The following CWC27 variants were observed in gnomAD, a reference collection of about 807,000 sequenced individuals.
The protein encoded by CWC27 is spliceosome-associated protein CWC27 homolog.
Under a neutral mutation model 63.6 loss-of-function variants are expected in CWC27, and 47 were observed. That is an observed-to-expected ratio of 0.74 (90% CI 0.58 to 0.94). The LOEUF (loss-of-function observed/expected upper bound fraction) is 0.94. Among genes scored for constraint, CWC27 ranks in the 40% least tolerant of loss-of-function variants. CWC27 has a pLI of 0.00. For synonymous variants in CWC27, 175 were observed against 179.8 expected, an observed-to-expected ratio of 0.97 and a Z score of 0.22; for missense variants, 495 against 554.3, an observed-to-expected ratio of 0.89 and a Z score of 1.07.
intron 11 of CWC27, among the ~76,000 whole-genome samples, chr5:64,901,687 T>C (rs6880361): frequency 0.028 from 4,280 of 152,252 alleles, 139 homozygotes; most frequent in African/African-American, 0.08. Flanking sequence ...AACTTCGGCT[T>C]ACTGTAACTT....
At chr5:64,824,578 G>A (rs952367775) in intron 10 of CWC27, among the ~76,000 whole-genome samples, 2 of 151,946 alleles carry the variant, frequency 1.3e-5, no homozygotes, top group Non-Finnish European at 2.9e-5. Flanking sequence ...TCTAGCTGGG[G>A]CTCTACTCAC....
At chr5:64,786,300 A>C (rs543171392) in intron 5 of CWC27, among the ~76,000 whole-genome samples, 2 of 152,244 alleles carry the variant, frequency 1.3e-5, no homozygotes, top group Admixed American at 6.5e-5. Flanking sequence ...CTTTTGTAAA[A>C]TGGGGATAAA....
At chr5:64,964,957 G>A (rs933201492) in intron 11 of CWC27, among the ~76,000 whole-genome samples, 2 of 152,046 alleles carry the variant, frequency 1.3e-5, no homozygotes, top group Non-Finnish European at 2.9e-5. Context: ...ATACATCCAA[G>A]TAGTAAAACT....
In CWC27 at chr5:64,928,553, G is replaced by GA. The variant is rs1293907638; in HGVS notation, c.1042+43013dup. Among the ~76,000 whole-genome samples, 3 of 151,374 alleles carry GA rather than the reference G, an allele frequency of 2.0e-5. 1 individual carries two copies. The highest frequency in any genetic ancestry group is 1.3e-4 in the Admixed American group (2 of 15,180). On this transcript the variant is annotated intron_variant, in intron 11 of 13. Coordinates refer to ENST00000381070, the MANE Select transcript of CWC27 (RefSeq NM_005869.4). ...TTTTTTATTCTTTGTAAGTAAGTGGGAAAAAAGCCAAGTGCACAACAAAGT... is the reference window on the plus strand; with the variant it reads ...TTTTTTATTCTTTGTAAGTAAGTGGGAAAAAAAGCCAAGTGCACAACAAAGT...
intron 10 of CWC27, among the ~76,000 whole-genome samples, chr5:64,805,550 A>T (rs1391894204): frequency 6.6e-6 from 1 of 151,788 alleles, no homozygotes; most frequent in African/African-American, 2.4e-5. Flanking sequence ...TTCTGATTTT[A>T]AAAAATTATG....
intron 11 of CWC27, among the ~76,000 whole-genome samples, chr5:64,917,516 C>T (rs1236706912): frequency 6.6e-6 from 1 of 152,122 alleles, no homozygotes; most frequent in Non-Finnish European, 1.5e-5. Context: ...TTTGGTAAGA[C>T]ATTATTCTCT....
chr5:64,820,507 A>G (rs979288022), intron 10 of CWC27, among the ~76,000 whole-genome samples: 1 of 152,178 alleles, frequency 6.6e-6, no homozygotes, highest in South Asian at 2.1e-4. Context: ...TATGTGAACC[A>G]ATATCTAGAG....
intron 10 of CWC27, among the ~76,000 whole-genome samples, chr5:64,845,846 T>G (rs1021383990): frequency 6.6e-6 from 1 of 152,210 alleles, no homozygotes; most frequent in African/African-American, 2.4e-5. Context: ...AATCCCCTAA[T>G]CTGGGAATAG....
At chr5:64,773,611 T>C (rs1199342283) in intron 1 of CWC27, among the ~76,000 whole-genome samples, 3 of 152,174 alleles carry the variant, frequency 2.0e-5, no homozygotes, top group Non-Finnish European at 4.4e-5. Flanking sequence ...TTCTAAAAGA[T>C]TGTGATGGTC....
chr5:64,952,553 T>G (rs2112426372), intron 11 of CWC27, among the ~76,000 whole-genome samples: 1 of 152,124 alleles, frequency 6.6e-6, no homozygotes, highest in Non-Finnish European at 1.5e-5. Flanking sequence ...TCTTGCAAAT[T>G]GTGTGTCTAG....
At chr5:64,818,587 T>G (rs565329941) in intron 10 of CWC27, among the ~76,000 whole-genome samples, 61 of 152,304 alleles carry the variant, frequency 4.0e-4, no homozygotes, top group African/African-American at 1.4e-3. Flanking sequence ...GACTAGGGTG[T>G]TATGGGACCT....
At position 64,911,929 on chromosome 5, in the gene CWC27, C is replaced by G. The variant is rs1747794405; in HGVS notation, c.1042+26383C>G. Among the ~76,000 whole-genome samples, 3 of 151,886 alleles carry G rather than the reference C, an allele frequency of 2.0e-5. No individual in the cohort carries two copies. The South Asian group carries it at 6.2e-4, about 32-fold the overall frequency. ...CTCTACTAAAAATACAAAAAATTAG[C>G]CAACCGTGATGGCGGGCACCTGCAG... On this transcript the variant is annotated intron_variant, in intron 11 of 13. Transcript: ENST00000381070.
chr5:64,935,628 A>G (rs1369350610), intron 11 of CWC27, among the ~76,000 whole-genome samples: 1 of 152,134 alleles, frequency 6.6e-6, no homozygotes, highest in Admixed American at 6.5e-5. Context: ...AGTTTTTTCT[A>G]TTTCTGTGAA....
At chr5:64,924,977 A>G (rs1287893843) in intron 11 of CWC27, among the ~76,000 whole-genome samples, 6 of 152,004 alleles carry the variant, frequency 3.9e-5, no homozygotes, top group African/African-American at 1.5e-4. Flanking sequence ...ACACACACAC[A>G]CACACACACA....
intron 11 of CWC27, among the ~76,000 whole-genome samples, chr5:64,921,707 A>T (rs1229197565): frequency 6.6e-6 from 1 of 152,040 alleles, no homozygotes; most frequent in African/African-American, 2.4e-5. Flanking sequence ...TCATGTTGTT[A>T]CCTGTGTGTT....
At chr5:64,973,749 AAATGCCAGTAGCT>A (rs1477416216) in intron 12 of CWC27, among the ~76,000 whole-genome samples, 2 of 152,218 alleles carry the variant, frequency 1.3e-5, no homozygotes, top group Non-Finnish European at 2.9e-5. Flanking sequence ...CTCTTTGAGC[AAATGCCAGTAGCT>A]CATTAATTGG....
intron 10 of CWC27, among the ~76,000 whole-genome samples, chr5:64,866,656 A>G (rs1161632941): frequency 6.6e-6 from 1 of 151,894 alleles, no homozygotes; most frequent in Non-Finnish European, 1.5e-5. Flanking sequence ...TTCTTCTTTG[A>G]TCCATTGGTT....
chr5:64,899,758 C>T (rs1248230962), intron 11 of CWC27, among the ~76,000 whole-genome samples: 1 of 152,192 alleles, frequency 6.6e-6, no homozygotes, highest in Admixed American at 6.5e-5. Flanking sequence ...CCTGTGAAAA[C>T]ATCACCACAA....
In CWC27 at chr5:64,769,127, A is replaced by T; in HGVS notation, c.-20A>T. 6.2e-7 allele frequency: 1 copy of T among 1,613,068 alleles called. No individual in the cohort carries two copies. Among genetic ancestry groups the T allele is most frequent in the Non-Finnish European group, 8.5e-7 (1 of 1,179,260 alleles). ...CGCTCTCATCCCCCGTAAGGAGCAG[A>T]GTCCTTTGTACTGACCAAGATGAGC... On this transcript the variant is annotated 5_prime_UTR_variant, in exon 1 of 14. Coordinates refer to ENST00000381070, the MANE Select transcript of CWC27 (RefSeq NM_005869.4).
Sources: allele counts gnomAD v4.1 joint callset (sites outside exome capture counted in the v4.1 genomes callset), GRCh38; gene constraint gnomAD v4.1.1; transcripts MANE v1.5; gene names NCBI Gene and HGNC (gene_info 2026-07-23, HGNC 2026-07-21).